ADGRL3: variants seen among roughly 807,000 people sequenced by gnomAD.
ADGRL3 encodes calcium-independent alpha-latrotoxin receptor 3.
In ADGRL3, 62 loss-of-function variants were observed where a neutral mutation model predicts 153.5. The observed-to-expected ratio is 0.40, with a 90% CI of 0.33 to 0.50. ADGRL3 has a LOEUF of 0.50. Ranked by LOEUF, ADGRL3 falls within the 20% of genes least tolerant of loss-of-function variation. ADGRL3 has a pLI of 0.47. For missense variants in ADGRL3, 1,641 were observed against 1,859.4 expected (o/e 0.88, Z 2.16); for synonymous variants, 710 against 672.5 (o/e 1.06, Z -0.86).
rs184802669 is a variant in ADGRL3 at position 61,665,177 on chromosome 4, G to A, written c.474-11649G>A. On this transcript the variant is annotated intron_variant, in intron 5 of 26. Transcript: ENST00000683033. ...TGTAATTCCAGCACTGTGGGAGGCCGAGTCAGGTGGATAACCAGAGGTTAA... is the reference window on the plus strand; with the variant it reads ...TGTAATTCCAGCACTGTGGGAGGCCAAGTCAGGTGGATAACCAGAGGTTAA... 3.7e-3 allele frequency among the ~76,000 whole-genome samples: 565 copies of A among 152,274 alleles called. 14 individuals are homozygous for A. Among genetic ancestry groups the A allele is most frequent in the Admixed American group, 0.034 (523 of 15,288 alleles).
chr4:61,698,080 G>A (rs146012520), intron 6 of ADGRL3, among the ~76,000 whole-genome samples: 3 of 152,240 alleles, frequency 2.0e-5, no homozygotes, highest in African/African-American at 7.2e-5. Context: ...TTCCTTTGCG[G>A]CACCAATACC....
At chr4:61,979,123 G>T (rs1038851002) in intron 17 of ADGRL3, among the ~76,000 whole-genome samples, 1 of 152,130 alleles carries the variant, frequency 6.6e-6, no homozygotes, top group Non-Finnish European at 1.5e-5. Context: ...CTCCTTAGAT[G>T]ATTCAAAAAT....
At chr4:62,052,527 C>T (rs1050489433) in intron 25 of ADGRL3, among the ~76,000 whole-genome samples, 3 of 150,968 alleles carry the variant, frequency 2.0e-5, no homozygotes, top group African/African-American at 4.8e-5. Flanking sequence ...ATTACTTTTA[C>T]AAAACTATTT....
At chr4:61,938,592 C>T (rs2098849774) in intron 15 of ADGRL3, among the ~76,000 whole-genome samples, 1 of 152,156 alleles carries the variant, frequency 6.6e-6, no homozygotes, top group Non-Finnish European at 1.5e-5. Flanking sequence ...TGAAATGTCA[C>T]TGCTGCCGCA....
At chr4:61,767,684 C>T (rs924627121) in intron 8 of ADGRL3, among the ~76,000 whole-genome samples, 30 of 152,166 alleles carry the variant, frequency 2.0e-4, no homozygotes, top group African/African-American at 4.8e-4. Context: ...ACAGATGGGA[C>T]GTGGCTTAGG....
intron 2 of ADGRL3, among the ~76,000 whole-genome samples, chr4:61,393,341 A>G (rs956358898): frequency 5.3e-5 from 8 of 152,208 alleles, no homozygotes; most frequent in Non-Finnish European, 1.2e-4. Context: ...TGCCTGACAG[A>G]AATCCACTAA....
chr4:61,862,053 C>G (rs1489871700), intron 9 of ADGRL3, among the ~76,000 whole-genome samples: 1 of 152,152 alleles, frequency 6.6e-6, no homozygotes, highest in East Asian at 1.9e-4. Context: ...TGGGAACATT[C>G]TACTGGCACA....
chr4:61,448,908 G>T (rs563856303), intron 2 of ADGRL3, among the ~76,000 whole-genome samples: 32 of 100,638 alleles, frequency 3.2e-4, no homozygotes, highest in African/African-American at 1.2e-3. Flanking sequence ...GGAGGGAGGG[G>T]AACTAACAGC....
At chr4:61,971,593 T>C (rs2099027971) in intron 17 of ADGRL3, among the ~76,000 whole-genome samples, 1 of 152,044 alleles carries the variant, frequency 6.6e-6, no homozygotes, top group African/African-American at 2.4e-5. Context: ...GTCTTTGCTA[T>C]TGTGAATAGT....
intron 8 of ADGRL3, 94 bp downstream of exon 8, chr4:61,733,648 T>C (rs2096470490): frequency 4.3e-6 from 4 of 920,876 alleles, no homozygotes; most frequent in Non-Finnish European, 4.9e-6. Flanking sequence ...TTATTTGTGG[T>C]ATTCTGGCCT....
At chr4:61,433,368 A>ATTTTTTTT (rs775643745) in intron 2 of ADGRL3, among the ~76,000 whole-genome samples, 43 of 132,794 alleles carry the variant, frequency 3.2e-4, no homozygotes, top group South Asian at 9.8e-4. Context: ...TTTTTTTTAA[A>ATTTTTTTT]AAAAAATCAG....
intron 4 of ADGRL3, among the ~76,000 whole-genome samples, chr4:61,573,068 A>G (rs1172637005): frequency 1.3e-5 from 2 of 152,022 alleles, no homozygotes; most frequent in Non-Finnish European, 2.9e-5. Flanking sequence ...TAGCACAGAA[A>G]GCTAGGGATG....
intron 8 of ADGRL3, among the ~76,000 whole-genome samples, chr4:61,734,745 GA>G (rs1420457808): frequency 2.6e-5 from 4 of 152,184 alleles, no homozygotes; most frequent in Non-Finnish European, 5.9e-5. Flanking sequence ...GGAAAACTAA[GA>G]TAGAGGTGTC....
At chr4:61,318,151 A>G (rs941405062) in intron 1 of ADGRL3, among the ~76,000 whole-genome samples, 2 of 141,890 alleles carry the variant, frequency 1.4e-5, no homozygotes, top group African/African-American at 2.6e-5. Flanking sequence ...CCAAGATTGC[A>G]CCACTGCACT....
chr4:61,215,827 C>T (rs1319745157), intron 1 of ADGRL3, among the ~76,000 whole-genome samples: 1 of 152,006 alleles, frequency 6.6e-6, no homozygotes, highest in Non-Finnish European at 1.5e-5. Flanking sequence ...GCTGGGATTA[C>T]AGGCATGAGC....
intron 1 of ADGRL3, among the ~76,000 whole-genome samples, chr4:61,377,388 G>A (rs2096616551): frequency 6.6e-6 from 1 of 152,038 alleles, no homozygotes; most frequent in South Asian, 2.1e-4. Flanking sequence ...AAGGTTTGAG[G>A]ATCATTCTCT....
At chr4:61,956,393 T>C (rs536565822) in intron 17 of ADGRL3, among the ~76,000 whole-genome samples, 1 of 152,308 alleles carries the variant, frequency 6.6e-6, no homozygotes, top group African/African-American at 2.4e-5. Context: ...GTTTGTTTTT[T>C]TCTTGTAAAT....
chr4:61,206,273 G>T (rs887873889), intron 1 of ADGRL3, among the ~76,000 whole-genome samples: 4 of 152,162 alleles, frequency 2.6e-5, no homozygotes, highest in Non-Finnish European at 5.9e-5. Context: ...AATTTAAATG[G>T]AATATTGTGG....
intron 5 of ADGRL3, among the ~76,000 whole-genome samples, chr4:61,592,550 G>C (rs1229329061): frequency 6.6e-6 from 1 of 152,072 alleles, no homozygotes; most frequent in Admixed American, 6.6e-5. Flanking sequence ...GGAAAAGAAA[G>C]GAGAGAAGGA....
Sources: gnomAD v4.1 joint callset for allele counts (sites outside exome capture counted in the v4.1 genomes callset) on GRCh38, gnomAD v4.1.1 for gene constraint, MANE v1.5 for transcripts, NCBI Gene and HGNC (gene_info 2026-07-23, HGNC 2026-07-21) for gene names.